NTRK2: variants seen among roughly 807,000 people sequenced by gnomAD.
NTRK2 encodes neurotrophic receptor tyrosine kinase 2.
A neutral mutation model predicts 94.5 loss-of-function variants in NTRK2; 13 were observed. The ratio of observed to expected loss-of-function variants is 0.14; its 90% CI spans 0.09 to 0.22. The LOEUF is 0.22. Among genes scored for constraint, NTRK2 ranks in the 10% least tolerant of loss-of-function variants. The pLI is 1.00. For missense variants in NTRK2, 639 were observed against 1,071.2 expected (o/e 0.60, Z 5.63); for synonymous variants, 372 against 407.4 (o/e 0.91, Z 1.05).
At chr9:84,970,573 G>T (rs890900992) in intron 17 of NTRK2, among the ~76,000 whole-genome samples, 2 of 152,060 alleles carry the variant, frequency 1.3e-5, no homozygotes, top group African/African-American at 4.8e-5. Context: ...GAGCATCAGG[G>T]TGAGTCAGCG....
chr9:84,952,826 G>A (rs1823650816), intron 16 of NTRK2, among the ~76,000 whole-genome samples: 1 of 152,156 alleles, frequency 6.6e-6, no homozygotes, highest in Non-Finnish European at 1.5e-5. Flanking sequence ...GTGTGGGGTT[G>A]GAGGACAGAA....
chr9:84,774,052 G>A (rs1329327756), intron 12 of NTRK2, among the ~76,000 whole-genome samples: 1 of 152,090 alleles, frequency 6.6e-6, no homozygotes, highest in Admixed American at 6.6e-5. Flanking sequence ...CCTATGGCCT[G>A]GTTTCATTTC....
At position 84,723,573 on chromosome 9, in the gene NTRK2, G is replaced by C. The variant is rs764986674; in HGVS notation, c.584G>C (p.Gly195Ala). The C allele has an allele frequency of 1.2e-6, 2 of 1,613,968 alleles. No individual in the cohort carries two copies. Among genetic ancestry groups the C allele is most frequent in the Admixed American group, 1.7e-5 (1 of 60,026 alleles). ...TCTGTTTACTTTTCTTGTTCCATAG[G>C]TTTGCCATCTGCAAATCTGGCCGCA... ...PLANLQIPNC[G>A]LPSANLAAPN... The change falls in exon 7 of 19, where the codon GGT becomes GCT. Residue 195 changes from glycine to alanine, a missense_variant and splice_region_variant. Coordinates refer to ENST00000277120, the MANE Select transcript of NTRK2 (RefSeq NM_006180.6).
At chr9:84,984,339 G>C (rs999258672) in intron 17 of NTRK2, among the ~76,000 whole-genome samples, 4 of 152,060 alleles carry the variant, frequency 2.6e-5, no homozygotes, top group African/African-American at 9.7e-5. Flanking sequence ...CTGGCATAGT[G>C]GTGCACGCCT....
chr9:84,885,448 C>A (rs187282744), intron 14 of NTRK2, among the ~76,000 whole-genome samples: 1 of 152,078 alleles, frequency 6.6e-6, no homozygotes, highest in African/African-American at 2.4e-5. Context: ...GAACTGCATC[C>A]GGTGTTCTTT....
At chr9:84,908,657 C>T (rs879295903) in intron 14 of NTRK2, among the ~76,000 whole-genome samples, 3 of 152,108 alleles carry the variant, frequency 2.0e-5, no homozygotes, top group Non-Finnish European at 4.4e-5. Flanking sequence ...GCTTGCTAGG[C>T]ACAGTGGGGT....
At chr9:84,699,401 T>C (rs1205196406) in intron 2 of NTRK2, among the ~76,000 whole-genome samples, 1 of 152,170 alleles carries the variant, frequency 6.6e-6, no homozygotes, top group Non-Finnish European at 1.5e-5. Context: ...AAAATGTATT[T>C]ATTTATCCAG....
At chr9:84,723,520 A>G in intron 6 of NTRK2, 53 bp from the exon 7 acceptor site, 1 of 1,599,822 alleles carries the variant, frequency 6.3e-7, no homozygotes, top group Non-Finnish European at 8.6e-7. Flanking sequence ...TTTTATTTTG[A>G]TACTGCATTT....
At position 84,855,582 on chromosome 9, in the gene NTRK2, T is replaced by TG. The variant is rs60446427; in HGVS notation, c.1397-5458_1397-5457insG. Among the ~76,000 whole-genome samples, 689 of 112,576 alleles carry TG rather than the reference T, an allele frequency of 6.1e-3. 13 individuals carry two copies. Among genetic ancestry groups the TG allele is most frequent in the Admixed American group, 0.046 (561 of 12,274 alleles). The allele number at this position is 112,576 out of a possible 152,430, so 73.9% of individuals were successfully genotyped here. On this transcript the variant is annotated intron_variant, in intron 12 of 18. Coordinates refer to ENST00000277120, the MANE Select transcript of NTRK2 (RefSeq NM_006180.6). Reference sequence around the variant, plus strand: ...GTCAGTTAATAAAACCTCAAGCATATTTTTTTTTTTTTTTTTGTCTACATC... The same window carrying TG: ...GTCAGTTAATAAAACCTCAAGCATATGTTTTTTTTTTTTTTTTGTCTACATC...
chr9:84,966,952 T>A (rs1269994913), intron 17 of NTRK2, among the ~76,000 whole-genome samples: 1 of 152,216 alleles, frequency 6.6e-6, no homozygotes, highest in Non-Finnish European at 1.5e-5. Context: ...TTTTTAGGAC[T>A]TCTGATGGGA....
intron 2 of NTRK2, among the ~76,000 whole-genome samples, chr9:84,690,807 A>T (rs1030633452): frequency 6.6e-6 from 1 of 152,200 alleles, no homozygotes; most frequent in Non-Finnish European, 1.5e-5. Context: ...CTGAAATTTT[A>T]ATAAATCATA....
intron 6 of NTRK2, among the ~76,000 whole-genome samples, chr9:84,713,118 G>T (rs2061513491): frequency 2.0e-5 from 3 of 152,142 alleles, no homozygotes; most frequent in Non-Finnish European, 4.4e-5. Context: ...TCTAAAAACT[G>T]CTGTCATGGC....
intron 12 of NTRK2, among the ~76,000 whole-genome samples, chr9:84,760,290 T>C (rs1231648353): frequency 6.6e-6 from 1 of 152,238 alleles, no homozygotes; most frequent in Non-Finnish European, 1.5e-5. Flanking sequence ...GTGCTTAGTT[T>C]AGTATCTGTC....
At chr9:84,797,661 TA>T (rs1174911450) in intron 12 of NTRK2, among the ~76,000 whole-genome samples, 2 of 47,492 alleles carry the variant, frequency 4.2e-5, no homozygotes, top group African/African-American at 3.3e-4. Flanking sequence ...ATATATATAT[TA>T]TATATTATAT....
At chr9:84,806,522 G>A (rs1309835989) in intron 12 of NTRK2, among the ~76,000 whole-genome samples, 3 of 152,210 alleles carry the variant, frequency 2.0e-5, no homozygotes, top group Non-Finnish European at 4.4e-5. Flanking sequence ...GGAGATTTCT[G>A]CTACAGGTGC....
At chr9:84,981,286 G>A (rs1162229584) in intron 17 of NTRK2, among the ~76,000 whole-genome samples, 1 of 151,670 alleles carries the variant, frequency 6.6e-6, no homozygotes, top group African/African-American at 2.4e-5. Context: ...ATGTTTAGTA[G>A]AGAGTGGTTT....
At chr9:84,930,288 A>G (rs2077976534) in intron 14 of NTRK2, among the ~76,000 whole-genome samples, 1 of 152,224 alleles carries the variant, frequency 6.6e-6, no homozygotes, top group Non-Finnish European at 1.5e-5. Flanking sequence ...GTGTTGTTAC[A>G]GCTTAGGCAG....
At chr9:84,726,359 C>A (rs1034658443) in intron 8 of NTRK2, among the ~76,000 whole-genome samples, 1 of 152,048 alleles carries the variant, frequency 6.6e-6, no homozygotes, top group Non-Finnish European at 1.5e-5. Context: ...CGATGGCAGG[C>A]GCCTGTAATC....
At chr9:84,772,993 A>G (rs1405841622) in intron 12 of NTRK2, among the ~76,000 whole-genome samples, 1 of 152,220 alleles carries the variant, frequency 6.6e-6, no homozygotes, top group Non-Finnish European at 1.5e-5. Flanking sequence ...ATTGGTAACA[A>G]AATAGTTAAA....
Sources: gnomAD v4.1 joint callset for allele counts (sites outside exome capture counted in the v4.1 genomes callset) on GRCh38, gnomAD v4.1.1 for gene constraint, MANE v1.5 for transcripts, NCBI Gene and HGNC (gene_info 2026-07-23, HGNC 2026-07-21) for gene names.